The following ARHGAP32 variants were observed in gnomAD, a reference collection of about 807,000 sequenced individuals.
The protein encoded by ARHGAP32 is Rho GTPase activating protein 32.
Under a neutral mutation model 186.5 loss-of-function variants are expected in ARHGAP32, and 51 were observed. The observed-to-expected ratio is 0.27, with a 90% CI of 0.22 to 0.35. The LOEUF is 0.35. ARHGAP32 is among the 10% of genes least tolerant of loss of function. ARHGAP32 has a pLI of 1.00. For synonymous variants in ARHGAP32, 950 were observed against 964.3 expected, an observed-to-expected ratio of 0.99 and a Z score of 0.27; for missense variants, 2,186 against 2,623.5, an observed-to-expected ratio of 0.83 and a Z score of 3.64.
intron 1 of ARHGAP32, among the ~76,000 whole-genome samples, chr11:129,240,666 C>T (rs1718181835): frequency 6.6e-6 from 1 of 152,094 alleles, no homozygotes; most frequent in South Asian, 2.1e-4. Flanking sequence ...GTGAACTAAG[C>T]AAAAAGTAAG....
At chr11:129,029,702 T>A (rs1034661756) in intron 11 of ARHGAP32, among the ~76,000 whole-genome samples, 2 of 144,178 alleles carry the variant, frequency 1.4e-5, no homozygotes, top group African/African-American at 5.1e-5. Context: ...CTCGGGAGGC[T>A]GAGGCAGGAG....
In ARHGAP32 at chr11:128,976,582, T is replaced by C. The variant is rs61753088; in HGVS notation, c.2175A>G (p.Thr725=). 9,698 of 1,613,914 alleles carry C rather than the reference T, an allele frequency of 6.0e-3. 40 individuals are homozygous for C. Among genetic ancestry groups the C allele is most frequent in the Non-Finnish European group, 7.3e-3 (8,554 of 1,179,822 alleles). The change falls in exon 20 of 23, where the codon ACA becomes ACG. Residue 725 remains threonine, a synonymous_variant. Coordinates refer to ENST00000682385, the MANE Select transcript of ARHGAP32 (RefSeq NM_001378024.1). Reference sequence around the variant, plus strand: ...TCTTACCATCAACTGCATGGAGAGATGTAAGAGACTCCTCACTTTTAGCTG... The same window carrying C: ...TCTTACCATCAACTGCATGGAGAGACGTAAGAGACTCCTCACTTTTAGCTG... ...LRSAKSEESL[T]SLHAVDGDSK...
Position 128,969,146 on chromosome 11 carries a change from G to A in ARHGAP32, c.6067C>T (p.Pro2023Ser). ...ACACTGCTCTGGCGCTTGCCGTGTGGTTGGTACTGGTACAGCACACTGGGG... is the reference window on the plus strand; with the variant it reads ...ACACTGCTCTGGCGCTTGCCGTGTGATTGGTACTGGTACAGCACACTGGGG... ...RDPSVLYQYQPHGKRQSSVTV... is the reference protein window; with the variant it reads ...RDPSVLYQYQSHGKRQSSVTV... Residue 2023 changes from proline to serine, a missense_variant, in exon 23 of 23, where the codon CCA becomes TCA. By Grantham distance (74) the Pro-to-Ser change is moderately conservative. Coordinates refer to ENST00000682385, the MANE Select transcript of ARHGAP32 (RefSeq NM_001378024.1). This position sits in a 1 kb window ranked among gnomAD's most constrained non-coding sequence, Gnocchi z 4.8. 1.9e-6 allele frequency: 3 copies of A among 1,609,914 alleles called. No individual in the cohort carries two copies. Among genetic ancestry groups the A allele is most frequent in the African/African-American group, 1.3e-5 (1 of 75,000 alleles).
At chr11:129,013,164 G>A (rs1938168839) in intron 11 of ARHGAP32, among the ~76,000 whole-genome samples, 1 of 152,150 alleles carries the variant, frequency 6.6e-6, no homozygotes, top group Non-Finnish European at 1.5e-5. Flanking sequence ...TTGCAACAGA[G>A]CATAAAATTA....
chr11:129,098,767 TTA>T (rs1312174360), intron 5 of ARHGAP32, among the ~76,000 whole-genome samples: 1 of 152,178 alleles, frequency 6.6e-6, no homozygotes, highest in Non-Finnish European at 1.5e-5. Flanking sequence ...TAAAAATTAT[TTA>T]TGTTTCAGAG....
chr11:129,109,252 T>C (rs1446376464), intron 5 of ARHGAP32, among the ~76,000 whole-genome samples: 1 of 151,910 alleles, frequency 6.6e-6, no homozygotes, highest in Non-Finnish European at 1.5e-5. Flanking sequence ...TGTGGCCAAA[T>C]AGTATTCGAT....
intron 11 of ARHGAP32, among the ~76,000 whole-genome samples, chr11:129,001,704 G>T (rs2134755438): frequency 6.6e-6 from 1 of 152,032 alleles, no homozygotes; most frequent in African/African-American, 2.4e-5. Flanking sequence ...TTGTCCTGGA[G>T]ATTTTTCCCA....
At chr11:129,031,257 C>T (rs1339471631) in intron 11 of ARHGAP32, among the ~76,000 whole-genome samples, 4 of 152,060 alleles carry the variant, frequency 2.6e-5, no homozygotes, top group African/African-American at 9.7e-5. Flanking sequence ...TAAATAAACA[C>T]AAATCAATAA....
At chr11:129,133,363 T>G (rs746916687) in intron 2 of ARHGAP32, among the ~76,000 whole-genome samples, 8 of 152,100 alleles carry the variant, frequency 5.3e-5, no homozygotes, top group Non-Finnish European at 4.4e-5. Context: ...AAAGTGAAAT[T>G]TCTGAAAACA....
intron 1 of ARHGAP32, among the ~76,000 whole-genome samples, chr11:129,236,146 ACT>A (rs1228286889): frequency 2.0e-5 from 3 of 152,212 alleles, no homozygotes; most frequent in Admixed American, 6.6e-5. Context: ...GAATCTCCAC[ACT>A]GTTTTCCATA....
intron 1 of ARHGAP32, among the ~76,000 whole-genome samples, chr11:129,214,391 T>C (rs930125181): frequency 5.3e-5 from 8 of 152,242 alleles, no homozygotes; most frequent in African/African-American, 1.9e-4. Flanking sequence ...AACTTTTCCA[T>C]AAATCTAAAA....
chr11:129,065,447 GATTC>G (rs1940655699), intron 7 of ARHGAP32, among the ~76,000 whole-genome samples: 2 of 152,236 alleles, frequency 1.3e-5, no homozygotes, highest in South Asian at 4.1e-4. Flanking sequence ...TTGTGACACA[GATTC>G]TAGCTCAGTC....
intron 1 of ARHGAP32, among the ~76,000 whole-genome samples, chr11:129,200,302 T>C (rs1026346202): frequency 6.6e-6 from 1 of 152,134 alleles, no homozygotes; most frequent in Non-Finnish European, 1.5e-5. Flanking sequence ...CAGAATGATA[T>C]GGTTTGGCTG....
At chr11:128,986,965 A>C (rs1160238825) in intron 13 of ARHGAP32, among the ~76,000 whole-genome samples, 4 of 152,214 alleles carry the variant, frequency 2.6e-5, no homozygotes, top group African/African-American at 9.6e-5. Flanking sequence ...CAGTCTGAAA[A>C]CAGGACTCCT....
chr11:129,050,071 A>G (rs1939979008), intron 10 of ARHGAP32, among the ~76,000 whole-genome samples: 1 of 152,228 alleles, frequency 6.6e-6, no homozygotes, highest in African/African-American at 2.4e-5. Context: ...CCAAGAACCA[A>G]CCAACAACAT....
At chr11:129,167,536 T>C in intron 1 of ARHGAP32, among the ~76,000 whole-genome samples, 1 of 152,202 alleles carries the variant, frequency 6.6e-6, no homozygotes, top group South Asian at 2.1e-4. Flanking sequence ...ATTCAGTCAT[T>C]AAAAAAGAAT....
chr11:129,129,614 A>C, intron 2 of ARHGAP32, among the ~76,000 whole-genome samples: 1 of 152,244 alleles, frequency 6.6e-6, no homozygotes, highest in East Asian at 1.9e-4. Flanking sequence ...TGGGGAAAAG[A>C]AAGAGAGATC....
chr11:128,969,017 C>A lies in ARHGAP32; in HGVS notation c.6196G>T (p.Gly2066Cys). The A allele has an allele frequency of 6.2e-7, 1 of 1,611,212 alleles. No individual in the cohort carries two copies. The change falls in exon 23 of 23, where the codon GGC becomes TGC. Residue 2066 changes from glycine to cysteine, a missense_variant. By Grantham distance (159) the Gly-to-Cys change is radical (BLOSUM62 -3). Coordinates refer to ENST00000682385, the MANE Select transcript of ARHGAP32 (RefSeq NM_001378024.1). The surrounding 1 kb of genome is among the most constrained non-coding windows in gnomAD (Gnocchi z 4.8). ...GGGMGTYVPP[G>C]FPHPQSRTYA... ...GTCCTGCTCTGTGGATGGGGAAAGCCAGGGGGCACATACGTCCCCATGCCG... is the reference window on the plus strand; with the variant it reads ...GTCCTGCTCTGTGGATGGGGAAAGCAAGGGGGCACATACGTCCCCATGCCG...
At chr11:129,237,911 T>C (rs1040644347) in intron 1 of ARHGAP32, among the ~76,000 whole-genome samples, 1 of 152,094 alleles carries the variant, frequency 6.6e-6, no homozygotes, top group African/African-American at 2.4e-5. Flanking sequence ...GGCTACTGCA[T>C]TGATCCAAAG....
Sources: allele counts gnomAD v4.1 joint callset (sites outside exome capture counted in the v4.1 genomes callset), GRCh38; gene constraint gnomAD v4.1.1; non-coding constraint Gnocchi (gnomAD v3.1); transcripts MANE v1.5; gene names NCBI Gene and HGNC (gene_info 2026-07-23, HGNC 2026-07-21).